GLIS2: variants seen among roughly 807,000 people sequenced by gnomAD.
GLIS2 encodes GLIS family zinc finger 2, also known as zinc finger protein GLIS2.
A neutral mutation model predicts 35.6 loss-of-function variants in GLIS2; 14 were observed. The ratio of observed to expected loss-of-function variants is 0.39; its 90% CI spans 0.26 to 0.61. GLIS2 has a LOEUF of 0.61. Among genes scored for constraint, GLIS2 ranks in the 20% least tolerant of loss-of-function variants. GLIS2 has a pLI of 0.48. For synonymous variants in GLIS2, 368 were observed against 325.1 expected, an observed-to-expected ratio of 1.13 and a Z score of -1.42; for missense variants, 675 against 713.4, an observed-to-expected ratio of 0.95 and a Z score of 0.61.
intron 3 of GLIS2, 60 bp downstream of exon 3, chr16:4,333,579 CA>C: frequency 6.6e-7 from 1 of 1,514,470 alleles, no homozygotes; most frequent in East Asian, 2.3e-5. Context: ...GTTGCCATGA[CA>C]AAGTACCCCA....
chr16:4,316,471 C>G (rs548863815), intron 1 of GLIS2, among the ~76,000 whole-genome samples: 18 of 152,008 alleles, frequency 1.2e-4, no homozygotes, highest in South Asian at 2.1e-4. Flanking sequence ...GTCCCTCGAG[C>G]TCTCGGTCTT....
At chr16:4,319,705 A>G (rs1322239251) in intron 1 of GLIS2, among the ~76,000 whole-genome samples, 1 of 151,864 alleles carries the variant, frequency 6.6e-6, no homozygotes, top group Non-Finnish European at 1.5e-5. Context: ...CTGGGGGGCC[A>G]GCGTGGGGGC....
intron 1 of GLIS2, among the ~76,000 whole-genome samples, chr16:4,318,108 C>G (rs1302730756): frequency 6.6e-6 from 1 of 152,162 alleles, no homozygotes; most frequent in Non-Finnish European, 1.5e-5. Flanking sequence ...AGTGAGTCAC[C>G]CCACTTCCAG....
At position 4,320,779 on chromosome 16, in the gene GLIS2, G is replaced by T. The variant is rs906481055; in HGVS notation, c.-67+4525G>T. Among the ~76,000 whole-genome samples the T allele has an allele frequency of 6.6e-6, 1 of 151,914 alleles. No homozygotes were observed. The highest frequency in any genetic ancestry group is 1.5e-5 in the Non-Finnish European group (1 of 67,976). On this transcript the variant is annotated intron_variant, in intron 1 of 6. Transcript: ENST00000433375. This position sits in a 1 kb window ranked among gnomAD's most constrained non-coding sequence, Gnocchi z 5.6. The stretch of plus-strand genomic sequence containing the variant: ...CTCTGAGCTGGGATGTCCCCTCCCC[G>T]CAAGGCTGTAGGGGCCTCCATTGTC...
At chr16:4,317,938 A>G (rs1412548250) in intron 1 of GLIS2, among the ~76,000 whole-genome samples, 1 of 151,606 alleles carries the variant, frequency 6.6e-6, no homozygotes, top group African/African-American at 2.4e-5. Flanking sequence ...GTGACCTTTG[A>G]CCTTTGGTGT....
intron 1 of GLIS2, among the ~76,000 whole-genome samples, chr16:4,330,659 G>C (rs1290272081): frequency 6.6e-6 from 1 of 152,280 alleles, no homozygotes; most frequent in Non-Finnish European, 1.5e-5. Context: ...CCCCTGGCCT[G>C]GTTCTAGATC....
intron 1 of GLIS2, among the ~76,000 whole-genome samples, chr16:4,326,055 G>A (rs1332950042): frequency 6.6e-6 from 1 of 151,018 alleles, no homozygotes; most frequent in Non-Finnish European, 1.5e-5. Flanking sequence ...TGGCTAACAC[G>A]GTGAAACCCT....
rs991280620 is a variant in GLIS2 at position 4,333,589 on chromosome 16, CAACACT to C, written c.345+71_345+76del. ...CTGGGGTTGCCATGACAAAGTACCC[CAACACT>C]GAGTGGTTTAAAAAACAGATGTGTT... On this transcript the variant is annotated intron_variant, in intron 3 of 6. Coordinates refer to ENST00000433375, the MANE Select transcript of GLIS2 (RefSeq NM_032575.3). The C allele has an allele frequency of 2.0e-6, 3 of 1,477,576 alleles. No homozygotes were observed. In the African/African-American group the frequency reaches 4.2e-5, roughly 21 times the overall value. 91.5% of individuals were successfully genotyped at this position (1,477,576 alleles called of 1,614,324 possible).
chr16:4,316,302 G>T lies in GLIS2; in HGVS notation c.-67+48G>T, dbSNP rs1039627785. 7.1e-5 allele frequency among the ~76,000 whole-genome samples: 10 copies of T among 141,546 alleles called. No individual in the cohort carries two copies. The South Asian group carries it at 1.1e-3, about 15-fold the overall frequency. The allele number at this position is 141,546 out of a possible 152,430, so 92.9% of individuals were successfully genotyped here. A position where few individuals can be genotyped will look rare whatever the true frequency, so the allele number is the denominator to read the frequency against. ...CGCCGTGGGGACCGGGCCGGGGCGG[G>T]GGGGGGGGGGCCCGCCTGTCGCGCC... is the stretch of plus-strand genomic sequence containing the variant. On this transcript the variant is annotated intron_variant, in intron 1 of 6. Transcript: ENST00000433375.
upstream of GLIS2, among the ~76,000 whole-genome samples, chr16:4,315,770 C>A (rs1360399097): frequency 1.3e-5 from 2 of 150,670 alleles, no homozygotes; most frequent in African/African-American, 4.9e-5. Context: ...CCCGCGGCCG[C>A]GCCGCCCTCC....
chr16:4,326,698 T>C (rs920737145), intron 1 of GLIS2, among the ~76,000 whole-genome samples: 1 of 149,754 alleles, frequency 6.7e-6, no homozygotes, highest in African/African-American at 2.5e-5. Context: ...CAGGCGATCC[T>C]CCCACCTCAG....
chr16:4,337,059 A>G lies in GLIS2; in HGVS notation c.1110A>G (p.Leu370=). ...TTGGAGGCCCTGGCCTGCCCGGCTT[A>G]CCCCTACCCCTGGCCCCCGGCCCCC... is the stretch of plus-strand genomic sequence containing the variant. ...ALFGGPGLPG[L]PLPLAPGPLD... The change falls in exon 7 of 7, where the codon TTA becomes TTG. Residue 370 remains leucine, a synonymous_variant. Transcript: ENST00000433375. 2 of 1,556,966 alleles carry G rather than the reference A, an allele frequency of 1.3e-6. No homozygotes were observed. The highest frequency in any genetic ancestry group is 1.7e-6 in the Non-Finnish European group (2 of 1,156,860).
chr16:4,333,643 G>A, intron 3 of GLIS2, 124 bp downstream of exon 3: 2 of 1,133,048 alleles, frequency 1.8e-6, no homozygotes, highest in East Asian at 2.6e-5. Context: ...TCTGGAGGCT[G>A]GAGTCTACCT....
At chr16:4,317,903 T>C (rs529362695) in intron 1 of GLIS2, among the ~76,000 whole-genome samples, 1 of 152,266 alleles carries the variant, frequency 6.6e-6, no homozygotes, top group East Asian at 1.9e-4. Flanking sequence ...GCTGACCCCC[T>C]GTGCCTGCCC....
Position 4,335,469 on chromosome 16 carries a change from G to T in GLIS2, c.775+76G>T. On this transcript the variant is annotated intron_variant, in intron 6 of 6. Transcript: ENST00000433375. The surrounding 1 kb of genome is among the most constrained non-coding windows in gnomAD (Gnocchi z 4.6). ...AGACCGGCTGGGCAGGTCCCCAGGG[G>T]GAGGGGACTGTTAAGTAAATCCCGG... is the stretch of plus-strand genomic sequence containing the variant. The T allele has an allele frequency of 7.8e-7, 1 of 1,279,906 alleles. No individual in the cohort carries two copies. Among genetic ancestry groups the T allele is most frequent in the Non-Finnish European group, 1.1e-6 (1 of 880,708 alleles). 79.3% of individuals were successfully genotyped at this position (1,279,906 alleles called of 1,614,324 possible).
At chr16:4,326,821 C>G (rs2053435915) in intron 1 of GLIS2, among the ~76,000 whole-genome samples, 1 of 149,004 alleles carries the variant, frequency 6.7e-6, no homozygotes, top group African/African-American at 2.5e-5. Flanking sequence ...AGTGCAGTGG[C>G]GCGATCTCAG....
intron 1 of GLIS2, among the ~76,000 whole-genome samples, chr16:4,319,877 C>G (rs111424236): frequency 2.0e-5 from 3 of 152,166 alleles, no homozygotes; most frequent in African/African-American, 7.2e-5. Context: ...TCCACTCCCC[C>G]ACTCCCCCAG....
chr16:4,333,553 G>A, intron 3 of GLIS2, 34 bp downstream of exon 3: 1 of 1,586,250 alleles, frequency 6.3e-7, no homozygotes, highest in South Asian at 1.1e-5. Context: ...AGAGAGGGGT[G>A]GACTGGTTTC....
At chr16:4,326,538 C>G (rs900578463) in intron 1 of GLIS2, 3 of 152,146 alleles carry the variant, frequency 2.0e-5, no homozygotes, top group Admixed American at 2.0e-4. Context: ...GCACACAGCC[C>G]CCCAGTGCAC....
Sources: allele counts gnomAD v4.1 joint callset (sites outside exome capture counted in the v4.1 genomes callset), GRCh38; gene constraint gnomAD v4.1.1; non-coding constraint Gnocchi (gnomAD v3.1); transcripts MANE v1.5; gene names NCBI Gene and HGNC (gene_info 2026-07-23, HGNC 2026-07-21).